Variants in CCDC39 observed in about 807,000 individuals in gnomAD.
CCDC39 encodes coiled-coil domain 39 molecular ruler complex subunit, also known as coiled-coil domain-containing protein 39.
Under a neutral mutation model 121.0 loss-of-function variants are expected in CCDC39, and 113 were observed. The observed-to-expected ratio is 0.93, with a 90% confidence interval of 0.80 to 1.09. The LOEUF is 1.09. Among genes scored for constraint, CCDC39 ranks in the 50% least tolerant of loss-of-function variants. The pLI is 0.00. For missense variants in CCDC39, 1,063 were observed against 1,074.7 expected, an observed-to-expected ratio of 0.99 and a Z score of 0.15; for synonymous variants, 349 against 352.2, an observed-to-expected ratio of 0.99 and a Z score of 0.10.
At chr3:180,661,104 ACT>A (rs1711731418) in intron 3 of CCDC39, among the ~76,000 whole-genome samples, 1 of 152,046 alleles carries the variant, frequency 6.6e-6, no homozygotes, top group African/African-American at 2.4e-5. Context: ...TGGTATGCTA[ACT>A]CAAATCCAAG....
intron 13 of CCDC39, among the ~76,000 whole-genome samples, chr3:180,633,582 GGA>G (rs1223880217): frequency 1.3e-5 from 2 of 151,776 alleles, no homozygotes; most frequent in Admixed American, 6.6e-5. Flanking sequence ...AGGGGAATAG[GGA>G]GAGAGAGATA....
intron 13 of CCDC39, among the ~76,000 whole-genome samples, 191 bp downstream of exon 13, chr3:180,641,802 T>G (rs534085393): frequency 1.3e-5 from 2 of 152,136 alleles, no homozygotes; most frequent in Non-Finnish European, 2.9e-5. Context: ...AGGGACAATC[T>G]AAAGAATGAA....
intron 10 of CCDC39, 89 bp downstream of exon 10, chr3:180,648,076 A>C: frequency 9.3e-7 from 1 of 1,075,370 alleles, no homozygotes; most frequent in Non-Finnish European, 1.4e-6. Context: ...AAGGGCTTAT[A>C]ATTCTTTGTT....
intron 13 of CCDC39, among the ~76,000 whole-genome samples, chr3:180,634,710 T>C (rs1717785155): frequency 6.6e-6 from 1 of 151,976 alleles, no homozygotes; most frequent in Admixed American, 6.6e-5. Context: ...TGTGAGGAAA[T>C]ATAGAGCAGC....
At chr3:180,638,858 G>A (rs1196226504) in intron 13 of CCDC39, among the ~76,000 whole-genome samples, 4 of 151,978 alleles carry the variant, frequency 2.6e-5, no homozygotes, top group Admixed American at 2.6e-4. Context: ...TGAAAAGCAG[G>A]AAAGACAGAA....
At chr3:180,676,585 C>T (rs141461834) in intron 1 of CCDC39, among the ~76,000 whole-genome samples, 5,236 of 152,208 alleles carry the variant, frequency 0.034, 227 homozygotes, top group African/African-American at 0.1. Flanking sequence ...GACAGTGTGG[C>T]GATTCCTGAA....
chr3:180,640,580 A>G (rs138263306), intron 13 of CCDC39, among the ~76,000 whole-genome samples: 4,132 of 152,134 alleles, frequency 0.027, 88 homozygotes, highest in Non-Finnish European at 0.042. Context: ...CAAATAACCA[A>G]TGTCAGGAAT....
chr3:180,641,911 CG>C lies in CCDC39; in HGVS notation c.1874+81del, dbSNP rs201806336. ...CGAATGAGTAAAAACGATGCACATCCGGGATGTTAGAGGGGGCAGCTAGTTC... is the reference window on the plus strand; with the variant it reads ...CGAATGAGTAAAAACGATGCACATCCGGATGTTAGAGGGGGCAGCTAGTTC... On this transcript the variant is annotated intron_variant, in intron 13 of 19. Transcript: ENST00000476379. The C allele has an allele frequency of 1.8e-5, 17 of 953,686 alleles. No homozygotes were observed. In the East Asian group the frequency reaches 4.3e-4, roughly 24 times the overall value. The allele number at this position is 953,686 out of a possible 1,614,324, so 59.1% of individuals were successfully genotyped here.
At chr3:180,650,499 C>G (rs547662763) in intron 9 of CCDC39, among the ~76,000 whole-genome samples, 1 of 152,152 alleles carries the variant, frequency 6.6e-6, no homozygotes, top group African/African-American at 2.4e-5. Flanking sequence ...TGGATGATGG[C>G]AGGGACATAG....
chr3:180,625,310 G>C (rs553666498), intron 14 of CCDC39, among the ~76,000 whole-genome samples: 1 of 133,430 alleles, frequency 7.5e-6, no homozygotes, highest in Non-Finnish European at 1.6e-5. Flanking sequence ...TGTCTAGTCT[G>C]TTATTGACTC....
rs533935281 is a variant in CCDC39 at position 180,641,923 on chromosome 3, G to A, written c.1874+70C>T. Reference sequence around the variant, plus strand: ...AACGATGCACATCCGGGATGTTAGAGGGGGCAGCTAGTTCTCCTGACATCA... The same window carrying A: ...AACGATGCACATCCGGGATGTTAGAAGGGGCAGCTAGTTCTCCTGACATCA... On this transcript the variant is annotated intron_variant, in intron 13 of 19. Coordinates refer to ENST00000476379, the MANE Select transcript of CCDC39 (RefSeq NM_181426.2). 51 of 1,093,848 alleles carry A rather than the reference G, an allele frequency of 4.7e-5. No individual in the cohort carries two copies. The East Asian group carries it at 1.2e-3, about 26-fold the overall frequency. 67.8% of individuals were successfully genotyped at this position (1,093,848 alleles called of 1,614,324 possible).
In CCDC39 at chr3:180,648,335, T is replaced by A; in HGVS notation, c.1192A>T (p.Ile398Leu). ...GCTTTCTTAAACAGCACACCTTTTATGAGGTTCAGTTGAACATCTACTTCC... is the reference window on the plus strand; with the variant it reads ...GCTTTCTTAAACAGCACACCTTTTAAGAGGTTCAGTTGAACATCTACTTCC... ...VKEVDVQLNL[I>L]KGVLFKKAQE... The change falls in exon 10 of 20, where the codon ATA (isoleucine) becomes TTA (leucine). Residue 398 changes from isoleucine (I) to leucine (L), a missense_variant. By Grantham distance (5) the Ile-to-Leu change is conservative. Coordinates refer to ENST00000476379, the MANE Select transcript of CCDC39 (RefSeq NM_181426.2). 6.3e-7 allele frequency: 1 copy of A among 1,583,824 alleles called. No individual in the cohort carries two copies. Among genetic ancestry groups the A allele is most frequent in the Non-Finnish European group, 8.6e-7 (1 of 1,166,392 alleles).
At chr3:180,664,015 A>G in intron 1 of CCDC39, 29 bp from the exon 2 acceptor site, 1 of 1,593,846 alleles carries the variant, frequency 6.3e-7, no homozygotes, top group Middle Eastern at 1.7e-4. Context: ...ATGATTAACC[A>G]AAGTCCTATT....
chr3:180,647,093 T>A lies in CCDC39; in HGVS notation c.1513A>T (p.Ile505Phe). Reference sequence around the variant, plus strand: ...GGCTAAGTTACATGAAGCTTCTTGATCTGTGTTTCCAAAAGGCCACATGTA... The same window carrying A: ...GGCTAAGTTACATGAAGCTTCTTGAACTGTGTTTCCAAAAGGCCACATGTA... Reference protein sequence around the residue: ...KSTCGLLETQIKKLHNDLYFI... With the variant: ...KSTCGLLETQFKKLHNDLYFI... The change falls in exon 11 of 20, where the codon ATC becomes TTC. Residue 505 changes from isoleucine to phenylalanine, a missense_variant. Ile to Phe is a conservative substitution (Grantham distance 21). Transcript: ENST00000476379. 1 of 1,606,924 alleles carries A rather than the reference T, an allele frequency of 6.2e-7. No homozygotes were observed. The highest frequency in any genetic ancestry group is 8.5e-7 in the Non-Finnish European group (1 of 1,177,956).
intron 1 of CCDC39, among the ~76,000 whole-genome samples, chr3:180,671,327 T>C (rs961843073): frequency 5.3e-5 from 8 of 151,982 alleles, no homozygotes; most frequent in Non-Finnish European, 8.8e-5. Flanking sequence ...AGTATATGTA[T>C]AATTAAAAGT....
chr3:180,645,107 C>G (rs1288095192), intron 11 of CCDC39, among the ~76,000 whole-genome samples: 1 of 152,086 alleles, frequency 6.6e-6, no homozygotes, highest in Non-Finnish European at 1.5e-5. Context: ...CCTCAGTTTC[C>G]TCATCTCTAA....
chr3:180,666,020 G>A (rs1249088138), intron 1 of CCDC39, among the ~76,000 whole-genome samples: 5 of 151,868 alleles, frequency 3.3e-5, no homozygotes, highest in Admixed American at 2.6e-4. Context: ...CAGTTCAGTG[G>A]CAATAAGTAC....
chr3:180,641,935 T>A, intron 13 of CCDC39, 58 bp downstream of exon 13: 1 of 1,270,102 alleles, frequency 7.9e-7, no homozygotes, highest in East Asian at 2.4e-5. Flanking sequence ...GGGCAGCTAG[T>A]TCTCCTGACA....
At chr3:180,664,190 T>C (rs1363744415) in intron 1 of CCDC39, among the ~76,000 whole-genome samples, 2 of 152,214 alleles carry the variant, frequency 1.3e-5, no homozygotes, top group Non-Finnish European at 2.9e-5. Context: ...GGCTAGGAAG[T>C]CCAGGATCAA....
Sources: gnomAD v4.1 joint callset for allele counts (sites outside exome capture counted in the v4.1 genomes callset) on GRCh38, gnomAD v4.1.1 for gene constraint, MANE v1.5 for transcripts, NCBI Gene and HGNC (gene_info 2026-07-23, HGNC 2026-07-21) for gene names.